The following JPH3 variants were observed in gnomAD, a reference collection of about 807,000 sequenced individuals.
The protein encoded by JPH3 is junctophilin-3.
In JPH3, 11 loss-of-function variants were observed where a neutral mutation model predicts 59.6. The ratio of observed to expected loss-of-function variants is 0.18; its 90% confidence interval spans 0.12 to 0.31. The LOEUF (loss-of-function observed/expected upper bound fraction) is 0.31. JPH3 is among the 10% of genes least tolerant of loss of function. The pLI is 1.00. For synonymous variants in JPH3, 673 were observed against 483.6 expected, an observed-to-expected ratio of 1.39 and a Z score of -5.14; for missense variants, 1,202 against 1,105.7, an observed-to-expected ratio of 1.09 and a Z score of -1.24.
chr16:87,635,844 G>A (rs964247575), intron 1 of JPH3, among the ~76,000 whole-genome samples: 2 of 152,206 alleles, frequency 1.3e-5, no homozygotes, highest in African/African-American at 4.8e-5. Context: ...AGCAGAGCCG[G>A]GGGCTCCTGT....
intron 2 of JPH3, among the ~76,000 whole-genome samples, chr16:87,678,587 CACAT>C (rs2033208708): frequency 6.6e-6 from 1 of 152,164 alleles, no homozygotes; most frequent in African/African-American, 2.4e-5. Context: ...TATACACACT[CACAT>C]ACTCACACTC....
At chr16:87,665,598 T>TGCCCCAC (rs1383347123) in intron 2 of JPH3, among the ~76,000 whole-genome samples, 1 of 152,184 alleles carries the variant, frequency 6.6e-6, no homozygotes, top group Non-Finnish European at 1.5e-5. Context: ...CCCAGCCCCA[T>TGCCCCAC]GCCCCACATA....
At chr16:87,660,730 G>T (rs116774131) in intron 2 of JPH3, among the ~76,000 whole-genome samples, 2 of 152,118 alleles carry the variant, frequency 1.3e-5, no homozygotes, top group African/African-American at 2.4e-5. Flanking sequence ...CTGTCATATC[G>T]CCTGTCTGAG....
At chr16:87,634,080 G>A (rs1159066385) in intron 1 of JPH3, among the ~76,000 whole-genome samples, 2 of 152,224 alleles carry the variant, frequency 1.3e-5, no homozygotes, top group Non-Finnish European at 2.9e-5. Flanking sequence ...TGCAGCCGGG[G>A]ACAAAGTGGG....
chr16:87,689,839 C>T lies in JPH3; in HGVS notation c.1479C>T (p.Ala493=), dbSNP rs375905651. The T allele has an allele frequency of 4.5e-6, 7 of 1,540,614 alleles. No individual in the cohort carries two copies. The Admixed American group carries it at 9.8e-5, about 22-fold the overall frequency. The change falls in exon 4 of 5, where the codon GCC becomes GCT. Residue 493 remains alanine, a synonymous_variant. Transcript: ENST00000284262. ...CGGCCACCCCGCCGCCCGCGCCCGC[C>T]GCCAGGAACAAGGTCGCCCACTTCT... The part of the protein sequence containing the change: ...SPAATPPPAP[A]ARNKVAHFSR...
intron 1 of JPH3, among the ~76,000 whole-genome samples, chr16:87,612,783 A>G (rs1018428386): frequency 6.6e-6 from 1 of 152,102 alleles, no homozygotes; most frequent in Non-Finnish European, 1.5e-5. Flanking sequence ...TGGGAGGCCG[A>G]GGCGGGCGGA....
At chr16:87,668,944 T>C (rs1327559534) in intron 2 of JPH3, among the ~76,000 whole-genome samples, 1 of 151,780 alleles carries the variant, frequency 6.6e-6, no homozygotes, top group East Asian at 1.9e-4. Flanking sequence ...CCACGTGGGC[T>C]CCAGGTAGCT....
At chr16:87,658,520 C>T (rs958013318) in intron 2 of JPH3, among the ~76,000 whole-genome samples, 1 of 152,016 alleles carries the variant, frequency 6.6e-6, no homozygotes, top group African/African-American at 2.4e-5. Flanking sequence ...TCTGTCACTC[C>T]GTTTCTGCTT....
intron 1 of JPH3, among the ~76,000 whole-genome samples, chr16:87,632,361 C>G (rs1382020420): frequency 6.6e-6 from 1 of 152,246 alleles, no homozygotes; most frequent in East Asian, 1.9e-4. Flanking sequence ...ACTTTTCTTC[C>G]TGGGTTCTGC....
chr16:87,658,772 C>T (rs1433390212), intron 2 of JPH3, among the ~76,000 whole-genome samples: 1 of 152,254 alleles, frequency 6.6e-6, no homozygotes, highest in Non-Finnish European at 1.5e-5. Flanking sequence ...CCAGCCACCC[C>T]TCACCTGGGG....
intron 2 of JPH3, among the ~76,000 whole-genome samples, chr16:87,679,983 C>T (rs912482697): frequency 6.6e-6 from 1 of 152,200 alleles, no homozygotes; most frequent in African/African-American, 2.4e-5. Flanking sequence ...TGTTGGGGGG[C>T]CTGTGGACCC....
intron 1 of JPH3, among the ~76,000 whole-genome samples, chr16:87,643,799 A>G (rs1320562718): frequency 6.6e-6 from 1 of 152,142 alleles, no homozygotes; most frequent in East Asian, 1.9e-4. Context: ...AGTTGTAGGA[A>G]GGTACCATGG....
intron 2 of JPH3, among the ~76,000 whole-genome samples, chr16:87,681,763 T>C (rs1394348390): frequency 1.3e-5 from 2 of 152,088 alleles, no homozygotes; most frequent in Non-Finnish European, 2.9e-5. Context: ...GGGCAGGATA[T>C]GTTTTCCTAT....
At chr16:87,616,239 T>TA (rs1491549852) in intron 1 of JPH3, among the ~76,000 whole-genome samples, 1 of 105,968 alleles carries the variant, frequency 9.4e-6, no homozygotes, top group African/African-American at 3.3e-5. Flanking sequence ...TGTGTGTGTA[T>TA]TTTTTTTTTT....
intron 2 of JPH3, among the ~76,000 whole-genome samples, chr16:87,652,166 G>A (rs2150851435): frequency 6.6e-6 from 1 of 152,176 alleles, no homozygotes; most frequent in Non-Finnish European, 1.5e-5. Flanking sequence ...TAGTAGAGAT[G>A]GGGTTTCACC....
intron 4 of JPH3, among the ~76,000 whole-genome samples, chr16:87,691,976 G>A (rs1210976827): frequency 1.3e-5 from 2 of 152,114 alleles, no homozygotes; most frequent in Non-Finnish European, 2.9e-5. Context: ...ACCTCCCTGG[G>A]GGTCAATGCA....
intron 1 of JPH3, among the ~76,000 whole-genome samples, chr16:87,639,662 TC>T (rs2031878314): frequency 1.2e-5 from 1 of 82,630 alleles, no homozygotes; most frequent in Non-Finnish European, 3.1e-5. Flanking sequence ...CCGCCTGTCC[TC>T]CCTCCTGTCC....
chr16:87,613,948 C>T (rs977584226), intron 1 of JPH3, among the ~76,000 whole-genome samples: 20 of 152,176 alleles, frequency 1.3e-4, no homozygotes, highest in African/African-American at 3.4e-4. Context: ...TTTCTGGCCG[C>T]AGAATTGTTT....
intron 3 of JPH3, among the ~76,000 whole-genome samples, chr16:87,687,207 C>T (rs539165440): frequency 6.6e-6 from 1 of 152,292 alleles, no homozygotes; most frequent in East Asian, 1.9e-4. Context: ...CCAGGTCCTT[C>T]CTCAGTCGTC....
Sources: gnomAD v4.1 joint callset for allele counts (sites outside exome capture counted in the v4.1 genomes callset) on GRCh38, gnomAD v4.1.1 for gene constraint, MANE v1.5 for transcripts, NCBI Gene and HGNC (gene_info 2026-07-23, HGNC 2026-07-21) for gene names.